Variants in SULT6B1 observed in about 807,000 individuals in gnomAD.
SULT6B1 encodes sulfotransferase family 6B member 1, also known as sulfotransferase 6B1.
A neutral mutation model predicts 37.2 loss-of-function variants in SULT6B1; 44 were observed. The ratio of observed to expected loss-of-function variants is 1.18; its 90% CI spans 0.93 to 1.52. The LOEUF (loss-of-function observed/expected upper bound fraction) is 1.52, where lower values mean the gene tolerates loss of function less well. Among genes scored for constraint, SULT6B1 ranks in the 40% most tolerant of loss-of-function variants. The pLI is 0.00. For missense variants in SULT6B1, 450 were observed against 361.0 expected (o/e 1.25, Z -2.00); for synonymous variants, 140 against 126.0 (o/e 1.11, Z -0.74).
intron 4 of SULT6B1, among the ~76,000 whole-genome samples, chr2:37,178,598 TTG>T (rs1397200191): frequency 7.1e-6 from 1 of 140,812 alleles, no homozygotes; most frequent in African/African-American, 2.5e-5. Flanking sequence ...TACTCATAGT[TTG>T]TTATAAATCT....
upstream of SULT6B1, among the ~76,000 whole-genome samples, chr2:37,189,681 T>C (rs1384417473): frequency 1.3e-5 from 2 of 152,150 alleles, no homozygotes; most frequent in Non-Finnish European, 2.9e-5. Context: ...TACTACGTCA[T>C]TGTGTCTCTT....
intron 1 of SULT6B1, among the ~76,000 whole-genome samples, chr2:37,195,668 G>T: frequency 6.6e-6 from 1 of 152,186 alleles, no homozygotes; most frequent in East Asian, 1.9e-4. Flanking sequence ...TGTTTTGGGT[G>T]TTCCAGGCTT....
In SULT6B1 at chr2:37,179,573, T is replaced by C. The variant is rs11569747; in HGVS notation, c.414A>G (p.Ile138Met). 7.2e-4 allele frequency: 1,159 copies of C among 1,610,912 alleles called. 8 individuals are homozygous for C. Among genetic ancestry groups the C allele is most frequent in the South Asian group, 6.8e-3 (612 of 90,226 alleles). The change falls in exon 4 of 7, where the codon ATA (isoleucine) becomes ATG (methionine). Residue 138 changes from isoleucine to methionine, a missense_variant. Transcript: ENST00000535679. ...CTGCTGTATCTTTAGGGTTTCGAAA[T>C]ATCACCAATATCTAGGGAGCAAAAA... is the stretch of plus-strand genomic sequence containing the variant. ...IFENKAKILV[I>M]FRNPKDTAVS... is the part of the protein sequence containing the mutation.
chr2:37,186,804 G>T (rs546154637), intron 2 of SULT6B1, among the ~76,000 whole-genome samples: 23 of 152,262 alleles, frequency 1.5e-4, no homozygotes, highest in African/African-American at 5.3e-4. Flanking sequence ...GGTGAAGCAG[G>T]AGGATCGCTT....
At position 37,179,590 on chromosome 2, in the gene SULT6B1, G is replaced by C. The variant is rs1465751254; in HGVS notation, c.403-6C>G. 4 of 1,606,566 alleles carry C rather than the reference G, an allele frequency of 2.5e-6. No individual in the cohort carries two copies. Among genetic ancestry groups the C allele is most frequent in the Non-Finnish European group, 3.4e-6 (4 of 1,178,606 alleles). On this transcript the variant is annotated splice_polypyrimidine_tract_variant and splice_region_variant and intron_variant, in intron 3 of 6. Coordinates refer to ENST00000535679, the MANE Select transcript of SULT6B1 (RefSeq NM_001367551.1). ...TTTCGAAATATCACCAATATCTAGG[G>C]AGCAAAAATTGAGTTAATTTATTTG... is the stretch of plus-strand genomic sequence containing the variant.
intron 1 of SULT6B1, among the ~76,000 whole-genome samples, chr2:37,195,759 G>C (rs1014585099): frequency 1.3e-4 from 20 of 151,796 alleles, no homozygotes; most frequent in South Asian, 4.1e-4. Flanking sequence ...GCTTTCTCAA[G>C]TGTTACTTTG....
intron 2 of SULT6B1, 90 bp downstream of exon 2, chr2:37,187,265 A>G: frequency 1.2e-6 from 1 of 836,744 alleles, no homozygotes; most frequent in Non-Finnish European, 2.0e-6. Flanking sequence ...TTAGCATTGC[A>G]CTTTCTAAAC....
At chr2:37,193,955 C>A (rs1040914135) in intron 1 of SULT6B1, among the ~76,000 whole-genome samples, 1 of 152,198 alleles carries the variant, frequency 6.6e-6, no homozygotes, top group South Asian at 2.1e-4. Flanking sequence ...CTGCTCCAAA[C>A]CTTCTGGCCA....
intron 6 of SULT6B1, among the ~76,000 whole-genome samples, chr2:37,170,751 A>T (rs1676277523): frequency 6.6e-6 from 1 of 151,384 alleles, no homozygotes; most frequent in Admixed American, 6.6e-5. Context: ...AAAAAAAAAA[A>T]AAAAAAAAAC....
intron 1 of SULT6B1, among the ~76,000 whole-genome samples, chr2:37,195,330 C>G (rs1676889476): frequency 6.6e-6 from 1 of 152,140 alleles, no homozygotes; most frequent in African/African-American, 2.4e-5. Context: ...TGTAGTGGAG[C>G]CTTGCTATAT....
intron 2 of SULT6B1, among the ~76,000 whole-genome samples, chr2:37,184,503 C>G (rs1329798925): frequency 6.6e-6 from 1 of 152,176 alleles, no homozygotes; most frequent in Non-Finnish European, 1.5e-5. Context: ...GGAAGTAAGG[C>G]TTCAAGTTTT....
chr2:37,179,598 A>G lies in SULT6B1; in HGVS notation c.403-14T>C, dbSNP rs1418367160. ...TATCACCAATATCTAGGGAGCAAAA[A>G]TTGAGTTAATTTATTTGGGTCTATG... On this transcript the variant is annotated splice_polypyrimidine_tract_variant and intron_variant, in intron 3 of 6. Coordinates refer to ENST00000535679, the MANE Select transcript of SULT6B1 (RefSeq NM_001367551.1). The G allele has an allele frequency of 1.2e-6, 2 of 1,606,334 alleles. No homozygotes were observed. Among genetic ancestry groups the G allele is most frequent in the South Asian group, 2.2e-5 (2 of 89,480 alleles).
chr2:37,176,351 C>G (rs1469734747), intron 4 of SULT6B1, among the ~76,000 whole-genome samples: 1 of 150,318 alleles, frequency 6.7e-6, no homozygotes, highest in Non-Finnish European at 1.5e-5. Context: ...CAACCTCTGC[C>G]TCCCGGTTTC....
At chr2:37,182,644 T>C (rs568029202) in intron 3 of SULT6B1, among the ~76,000 whole-genome samples, 2 of 152,136 alleles carry the variant, frequency 1.3e-5, no homozygotes, top group South Asian at 4.2e-4. Flanking sequence ...TTTAAATAAA[T>C]CTTGATTGTA....
intron 5 of SULT6B1, among the ~76,000 whole-genome samples, chr2:37,173,864 C>T (rs1331012450): frequency 1.3e-5 from 2 of 152,206 alleles, no homozygotes; most frequent in Non-Finnish European, 2.9e-5. Flanking sequence ...TGCTTTGCCC[C>T]AGTTCATTCT....
chr2:37,195,738 G>A (rs964735057), intron 1 of SULT6B1, among the ~76,000 whole-genome samples: 17 of 152,062 alleles, frequency 1.1e-4, no homozygotes, highest in African/African-American at 4.1e-4. Flanking sequence ...CTGTTTCCAT[G>A]TCCCCTTCGC....
chr2:37,167,841 T>C lies in SULT6B1; in HGVS notation c.*94A>G. The C allele has an allele frequency of 9.2e-7, 1 of 1,084,960 alleles. No individual in the cohort carries two copies. Among genetic ancestry groups the C allele is most frequent in the South Asian group, 1.8e-5 (1 of 54,960 alleles). 67.2% of individuals were successfully genotyped at this position (1,084,960 alleles called of 1,614,324 possible). On this transcript the variant is annotated 3_prime_UTR_variant, in exon 7 of 7. Transcript: ENST00000535679. ...TTATTTAGATTTCAATATTGTTTAA[T>C]TATTATTTGATTATTTGATTGAATT...
intron 6 of SULT6B1, among the ~76,000 whole-genome samples, chr2:37,171,178 T>C (rs555211893): frequency 6.6e-6 from 1 of 152,236 alleles, no homozygotes; most frequent in East Asian, 1.9e-4. Flanking sequence ...AGGCGGAGGT[T>C]GCAGTGAGCT....
chr2:37,181,310 G>T (rs1255900447), intron 3 of SULT6B1, among the ~76,000 whole-genome samples: 1 of 152,162 alleles, frequency 6.6e-6, no homozygotes, highest in African/African-American at 2.4e-5. Context: ...ACATAAATTT[G>T]AATTTGAGGG....
Sources: allele counts gnomAD v4.1 joint callset (sites outside exome capture counted in the v4.1 genomes callset), GRCh38; gene constraint gnomAD v4.1.1; transcripts MANE v1.5; gene names NCBI Gene and HGNC (gene_info 2026-07-23, HGNC 2026-07-21).